The following ELF1 variants were observed in gnomAD, a reference collection of about 807,000 sequenced individuals.
ELF1 encodes E74 like ETS transcription factor 1.
In ELF1, 24 loss-of-function variants were observed where a neutral mutation model predicts 59.9. The observed-to-expected ratio is 0.40, with a 90% CI of 0.29 to 0.56. The LOEUF (loss-of-function observed/expected upper bound fraction) is 0.56, where lower values mean the gene tolerates loss of function less well. Among genes scored for constraint, ELF1 ranks in the 20% least tolerant of loss-of-function variants. ELF1 has a pLI of 0.44. For synonymous variants in ELF1, 248 were observed against 266.2 expected (o/e 0.93, Z 0.67); for missense variants, 627 against 742.2 (o/e 0.84, Z 1.80).
At chr13:40,980,091 C>T (rs1010921713) in intron 2 of ELF1, among the ~76,000 whole-genome samples, 1 of 152,160 alleles carries the variant, frequency 6.6e-6, no homozygotes, top group Non-Finnish European at 1.5e-5. Context: ...CGCCAAAACT[C>T]ACCAAGAGTT....
intron 8 of ELF1, among the ~76,000 whole-genome samples, chr13:40,935,270 T>G (rs1427202800): frequency 6.6e-6 from 1 of 152,226 alleles, no homozygotes; most frequent in African/African-American, 2.4e-5. Flanking sequence ...GTCAACTGTT[T>G]CCTTTGAATT....
In ELF1 at chr13:40,949,927, TG is replaced by T. The variant is rs1345080175; in HGVS notation, c.407del (p.Pro136GlnfsTer9). 6.2e-7 allele frequency: 1 copy of T among 1,613,958 alleles called. No homozygotes were observed. Among genetic ancestry groups the T allele is most frequent in the Non-Finnish European group, 8.5e-7 (1 of 1,179,902 alleles). On this transcript the variant is annotated frameshift_variant, in exon 5 of 9. Coordinates refer to ENST00000239882, the MANE Select transcript of ELF1 (RefSeq NM_172373.4). LOFTEE classifies it high-confidence loss of function. ...SSPEDDMVVA[P>X]VTHVSVTLDG... The stretch of plus-strand genomic sequence containing the variant: ...CTAATGTGACGGACACATGGGTGAC[TG>T]GGGCAACAACCATGTCATCTTCAGG...
chr13:40,949,654 C>G, intron 5 of ELF1, 152 bp downstream of exon 5: 1 of 982,208 alleles, frequency 1.0e-6, no homozygotes, highest in Non-Finnish European at 1.5e-6. Flanking sequence ...CGTGCCTGGC[C>G]AAGAAATAAC....
intron 3 of ELF1, among the ~76,000 whole-genome samples, chr13:40,955,966 G>C (rs576924508): frequency 2.3e-5 from 3 of 128,336 alleles, no homozygotes. Context: ...TCAGCCCCCC[G>C]CCCGGCCAGC....
At position 40,933,377 on chromosome 13, in the gene ELF1, G is replaced by T. The variant is rs750580222; in HGVS notation, c.*48C>A. On this transcript the variant is annotated 3_prime_UTR_variant, in exon 9 of 9. Coordinates refer to ENST00000239882, the MANE Select transcript of ELF1 (RefSeq NM_172373.4). The stretch of plus-strand genomic sequence containing the variant: ...AGAATCAGTCAGTCTGCATATAATT[G>T]AAAATGTTCAATTAACAAACAATTA... 3.2e-6 allele frequency: 5 copies of T among 1,562,408 alleles called. No homozygotes were observed. The highest frequency in any genetic ancestry group is 4.3e-6 in the Non-Finnish European group (5 of 1,156,204).
chr13:41,043,733 C>G (rs940476900), intron 1 of ELF1, among the ~76,000 whole-genome samples: 12 of 152,092 alleles, frequency 7.9e-5, no homozygotes, highest in African/African-American at 2.9e-4. Flanking sequence ...AGTCAGGTAG[C>G]GTGATGCCTC....
Position 40,933,648 on chromosome 13 carries a change from G to C in ELF1, c.1637C>G (p.Ala546Gly). Residue 546 changes from alanine (A) to glycine (G), a missense_variant, in exon 9 of 9, where the codon GCT becomes GGT. By Grantham distance (60) the Ala-to-Gly change is moderately conservative. Transcript: ENST00000239882. ...AGTGATTACAGTGCCAGGTGGGTGA[G>C]CAACCAGCTGTGAACTGCGAGGAGA... is the stretch of plus-strand genomic sequence containing the variant. ...TFSPRSSQLV[A>G]HPPGTVITSV... The C allele has an allele frequency of 6.2e-7, 1 of 1,614,234 alleles. No individual in the cohort carries two copies. The highest frequency in any genetic ancestry group is 2.2e-5 in the East Asian group (1 of 44,886).
chr13:41,033,250 A>G (rs1876242242), intron 1 of ELF1, among the ~76,000 whole-genome samples: 1 of 152,178 alleles, frequency 6.6e-6, no homozygotes, highest in South Asian at 2.1e-4. Flanking sequence ...TAACTCTACT[A>G]TTGACTAGTT....
Position 40,958,987 on chromosome 13 carries a change from T to A in ELF1, c.102A>T (p.Val34=). The A allele has an allele frequency of 6.2e-7, 1 of 1,611,638 alleles. No homozygotes were observed. The highest frequency in any genetic ancestry group is 8.5e-7 in the Non-Finnish European group (1 of 1,178,944). The change falls in exon 3 of 9, where the codon GTA becomes GTT. Residue 34 remains valine, a synonymous_variant. Transcript: ENST00000239882. ...QLGDPAIFPA[V]IVEHVPGADI... is the part of the protein sequence containing the mutation. ...CAGCACCAGGAACATGTTCCACAAT[T>A]ACGGCAGGAAAAATAGCTGGATCAC...
chr13:41,050,587 C>T (rs537271867), intron 1 of ELF1, among the ~76,000 whole-genome samples: 71 of 152,230 alleles, frequency 4.7e-4, no homozygotes, highest in African/African-American at 1.5e-3. Flanking sequence ...GATGGAGTCT[C>T]GCTCTGTCAC....
At chr13:40,939,786 C>G (rs1260959411) in intron 8 of ELF1, among the ~76,000 whole-genome samples, 1 of 152,126 alleles carries the variant, frequency 6.6e-6, no homozygotes, top group Admixed American at 6.5e-5. Context: ...TATAATGCAA[C>G]GATTCAAAAT....
At chr13:41,016,744 G>C (rs1358275621) in intron 1 of ELF1, among the ~76,000 whole-genome samples, 1 of 150,730 alleles carries the variant, frequency 6.6e-6, no homozygotes, top group African/African-American at 2.4e-5. Flanking sequence ...GAGAAACCCT[G>C]TCTCTACTAA....
intron 2 of ELF1, among the ~76,000 whole-genome samples, chr13:40,978,754 T>C (rs1873073237): frequency 7.3e-6 from 1 of 137,520 alleles, no homozygotes; most frequent in Non-Finnish European, 1.6e-5. Flanking sequence ...AAATACAAAT[T>C]AAAATAGTAA....
At chr13:40,972,309 C>A (rs925186539) in intron 2 of ELF1, among the ~76,000 whole-genome samples, 7 of 152,276 alleles carry the variant, frequency 4.6e-5, no homozygotes, top group African/African-American at 1.7e-4. Flanking sequence ...AACGCCAGGG[C>A]AAACTATGTC....
At chr13:40,973,356 T>C (rs1002091035) in intron 2 of ELF1, among the ~76,000 whole-genome samples, 1 of 152,292 alleles carries the variant, frequency 6.6e-6, no homozygotes, top group East Asian at 1.9e-4. Flanking sequence ...AAAAGAAGAA[T>C]TGCTCTAATA....
At chr13:41,043,432 T>C (rs1876707955) in intron 1 of ELF1, among the ~76,000 whole-genome samples, 2 of 152,200 alleles carry the variant, frequency 1.3e-5, no homozygotes, top group African/African-American at 4.8e-5. Flanking sequence ...GTTTTTATGG[T>C]TTTAGGTCTA....
Position 40,933,658 on chromosome 13 carries a change from G to A in ELF1, c.1627C>T (p.Gln543Ter), listed in dbSNP as rs776686002. ...PVVTFSPRSS[Q>*]LVAHPPGTVI... ...GTGCCAGGTGGGTGAGCAACCAGCT[G>A]TGAACTGCGAGGAGAAAAGGTCACC... The change falls in exon 9 of 9, where the codon CAG becomes TAG. Residue 543 changes from glutamine (Q) to a stop codon, truncating the protein, a stop_gained. Coordinates refer to ENST00000239882, the MANE Select transcript of ELF1 (RefSeq NM_172373.4). LOFTEE classifies it high-confidence loss of function. The A allele has an allele frequency of 1.9e-6, 3 of 1,614,262 alleles. No homozygotes were observed. In the East Asian group the frequency reaches 6.7e-5, roughly 36 times the overall value.
At chr13:40,949,238 C>G (rs1035492982) in intron 5 of ELF1, among the ~76,000 whole-genome samples, 4 of 152,076 alleles carry the variant, frequency 2.6e-5, no homozygotes, top group South Asian at 2.1e-4. Flanking sequence ...CACCCACCCC[C>G]ACCTCCCAAA....
chr13:41,061,263 C>A, exon 1 of ELF1: 1 of 278,214 alleles, frequency 3.6e-6, no homozygotes, highest in Non-Finnish European at 7.1e-6. Context: ...TGGCCTTGAG[C>A]CAGCGAGCCT....
Sources: gnomAD v4.1 joint callset for allele counts (sites outside exome capture counted in the v4.1 genomes callset) on GRCh38, gnomAD v4.1.1 for gene constraint, MANE v1.5 for transcripts, NCBI Gene and HGNC (gene_info 2026-07-23, HGNC 2026-07-21) for gene names.